Variants in FANCA observed in about 807,000 individuals in gnomAD.
FANCA encodes Fanconi anemia group A protein.
A neutral mutation model predicts 194.3 loss-of-function variants in FANCA; 236 were observed. That is an observed-to-expected ratio of 1.21 (90% confidence interval 1.09 to 1.35). The LOEUF (loss-of-function observed/expected upper bound fraction) is 1.35, where lower values mean the gene tolerates loss of function less well. FANCA is among the 40% of genes most tolerant of loss of function. The probability of loss-of-function intolerance (pLI) is 0.00; values close to 1 mark genes in which losing one functional copy is unlikely to be tolerated. For synonymous variants in FANCA, 1,014 were observed against 715.8 expected, an observed-to-expected ratio of 1.42 and a Z score of -6.65; for missense variants, 2,628 against 1,813.9, an observed-to-expected ratio of 1.45 and a Z score of -8.15.
At position 89,791,505 on chromosome 16, in the gene FANCA, G is replaced by C. The variant is rs764140346; in HGVS notation, c.1257C>G (p.Phe419Leu). The C allele has an allele frequency of 4.3e-6, 7 of 1,614,118 alleles. No individual in the cohort carries two copies. The highest frequency in any genetic ancestry group is 1.3e-5 in the African/African-American group (1 of 75,054). Residue 419 changes from phenylalanine (F) to leucine (L), a missense_variant, in exon 14 of 43, where the codon TTC becomes TTG. Transcript: ENST00000389301. Reference protein sequence around the residue: ...DWVARLMAQAFESCQLDSMVT... With the variant: ...DWVARLMAQALESCQLDSMVT... Reference sequence around the variant, plus strand: ...CCATGCTGTCCAGCTGGCAGCTCTCGAATGCCTGGGCCATCAAACGCGCCA... The same window carrying C: ...CCATGCTGTCCAGCTGGCAGCTCTCCAATGCCTGGGCCATCAAACGCGCCA...
At chr16:89,764,742 A>C (rs2039066060) in intron 28 of FANCA, 148 bp downstream of exon 28, 1 of 946,506 alleles carries the variant, frequency 1.1e-6, no homozygotes, top group South Asian at 1.3e-5. Context: ...ACGAGGAGAC[A>C]GTCGGCACAC....
chr16:89,783,114 T>G lies in FANCA; in HGVS notation c.1471-12A>C, dbSNP rs9282684. The G allele has an allele frequency of 6.3e-7, 1 of 1,597,362 alleles. No individual in the cohort carries two copies. The highest frequency in any genetic ancestry group is 1.3e-5 in the African/African-American group (1 of 74,118). Reference sequence around the variant, plus strand: ...TGGAGAATGTGCACCTGAGGATAGATAGCAGAGCGCAGCACCGTTAGTCTG... The same window carrying G: ...TGGAGAATGTGCACCTGAGGATAGAGAGCAGAGCGCAGCACCGTTAGTCTG... On this transcript the variant is annotated splice_polypyrimidine_tract_variant and intron_variant, in intron 15 of 42. Coordinates refer to ENST00000389301, the MANE Select transcript of FANCA (RefSeq NM_000135.4).
Position 89,738,312 on chromosome 16 carries a change from T to G in FANCA, c.*289A>C, listed in dbSNP as rs1333681680. On this transcript the variant is annotated 3_prime_UTR_variant, in exon 43 of 43. Transcript: ENST00000389301. ...CGCAGTGGCTGTGTCAGCCTCACCC[T>G]TCGTGTGCACCCGCATGGGAGGGTC... The G allele has an allele frequency of 6.6e-7, 1 of 1,524,880 alleles. No homozygotes were observed. The highest frequency in any genetic ancestry group is 2.5e-5 in the East Asian group (1 of 40,708). 94.5% of individuals were successfully genotyped at this position (1,524,880 alleles called of 1,614,324 possible). A position where few individuals can be genotyped will look rare whatever the true frequency, so the allele number is the denominator to read the frequency against.
chr16:89,759,318 T>TAAAAAAAAAAAAAAAAAAAAAAAA (rs71137673), intron 29 of FANCA, among the ~76,000 whole-genome samples: 10 of 75,202 alleles, frequency 1.3e-4, no homozygotes, highest in Non-Finnish European at 1.8e-4. Flanking sequence ...AGACTCCGTC[T>TAAAAAAAAAAAAAAAAAAAAAAAA]AAAAAAAAAA....
At chr16:89,754,005 G>C (rs2038685809) in intron 30 of FANCA, among the ~76,000 whole-genome samples, 1 of 152,194 alleles carries the variant, frequency 6.6e-6, no homozygotes, top group Admixed American at 6.5e-5. Flanking sequence ...AGACAGCTGA[G>C]ATAGTGCCAC....
intron 21 of FANCA, among the ~76,000 whole-genome samples, chr16:89,775,400 G>A (rs2039466641): frequency 6.6e-6 from 1 of 152,346 alleles, no homozygotes; most frequent in African/African-American, 2.4e-5. Flanking sequence ...AGCCAGCGCT[G>A]TGGGCCCCAA....
In FANCA at chr16:89,746,818, G is replaced by A. The variant is rs1230995680; in HGVS notation, c.3408+13C>T. ...CTGAGAAGGCCACGAGAGGGGCTGA[G>A]GGAGCATCTCACCCTGAAGAAGTGG... On this transcript the variant is annotated intron_variant, in intron 34 of 42. Transcript: ENST00000389301. The A allele has an allele frequency of 1.9e-6, 3 of 1,568,926 alleles. No individual in the cohort carries two copies. Among genetic ancestry groups the A allele is most frequent in the African/African-American group, 2.7e-5 (2 of 73,636 alleles).
chr16:89,744,666 T>G (rs989741137), intron 36 of FANCA: 20 of 267,448 alleles, frequency 7.5e-5, no homozygotes, highest in African/African-American at 3.9e-4. Flanking sequence ...GCAGAGGCTG[T>G]TTTTTTTTTT....
rs1370965752 is a variant in FANCA, at chr16:89,758,592, A to G, written c.2966T>C (p.Met989Thr). ...TGCTGCTAACCTTTGGTGGAAATCC[A>G]TCAGTGCGTTGACAAGAATGGTACA... The part of the protein sequence containing the change: ...AACTILVNAL[M>T]DFHQSSRSYD... The change falls in exon 30 of 43, where the codon ATG becomes ACG. Residue 989 changes from methionine (M) to threonine (T), a missense_variant. Coordinates refer to ENST00000389301, the MANE Select transcript of FANCA (RefSeq NM_000135.4). 1 of 1,613,720 alleles carries G rather than the reference A, an allele frequency of 6.2e-7. No individual in the cohort carries two copies. Among genetic ancestry groups the G allele is most frequent in the Non-Finnish European group, 8.5e-7 (1 of 1,179,810 alleles).
rs34386057 is a variant in FANCA, at chr16:89,771,563, C to T, written c.2151+115G>A. Reference sequence around the variant, plus strand: ...CTGCCTGGCCCTGGAACATCTGATACGACACTAACTGAGCAAGTCAAACAG... The same window carrying T: ...CTGCCTGGCCCTGGAACATCTGATATGACACTAACTGAGCAAGTCAAACAG... On this transcript the variant is annotated intron_variant, in intron 23 of 42. Transcript: ENST00000389301. 1.4e-3 allele frequency: 1,780 copies of T among 1,236,484 alleles called. 15 individuals are homozygous for T. In the African/African-American group the frequency reaches 0.023, roughly 16 times the overall value. 76.6% of individuals were successfully genotyped at this position (1,236,484 alleles called of 1,614,324 possible).
In FANCA at chr16:89,803,320, A is replaced by C. The variant is rs868620166; in HGVS notation, c.731T>G (p.Leu244Trp). 6.2e-7 allele frequency: 1 copy of C among 1,614,188 alleles called. No individual in the cohort carries two copies. The highest frequency in any genetic ancestry group is 1.3e-5 in the African/African-American group (1 of 75,058). Residue 244 changes from leucine (L) to tryptophan (W), a missense_variant, in exon 8 of 43, where the codon TTG (leucine) becomes TGG (tryptophan). Physicochemically the swap from Leu to Trp is moderately conservative, Grantham distance 61. Transcript: ENST00000389301. ...MLSDFVQMFV[L>W]RGFQKNSDLR... ...ATCTGAGTTTTTCTGAAATCCCCTCAAAACAAACATTTGAACAAAATCTGA... is the reference window on the plus strand; with the variant it reads ...ATCTGAGTTTTTCTGAAATCCCCTCCAAACAAACATTTGAACAAAATCTGA...
At chr16:89,779,126 G>T (rs921903484) in intron 18 of FANCA, 123 bp from the exon 19 acceptor site, 3 of 891,658 alleles carry the variant, frequency 3.4e-6, no homozygotes, top group African/African-American at 3.3e-5. Context: ...GATGCATTAT[G>T]AAGTCTTCTT....
intron 28 of FANCA, chr16:89,762,739 C>G (rs1439741340): frequency 2.2e-6 from 1 of 452,324 alleles, no homozygotes; most frequent in Admixed American, 2.4e-5. Context: ...CTCCAGAATT[C>G]TCCCCCTCAG....
intron 31 of FANCA, 69 bp downstream of exon 31, chr16:89,752,069 A>G: frequency 7.0e-7 from 1 of 1,423,704 alleles, no homozygotes; most frequent in South Asian, 1.1e-5. Context: ...CGCGCCTGGC[A>G]ATAAATATCT....
At chr16:89,745,802 G>C (rs1280186507) in intron 35 of FANCA, among the ~76,000 whole-genome samples, 2 of 151,704 alleles carry the variant, frequency 1.3e-5, no homozygotes, top group Non-Finnish European at 2.9e-5. Context: ...CTCTGAGCTG[G>C]GAACGAAACA....
rs979666807 is a variant in FANCA, at chr16:89,778,797, A to G, written c.1826+4T>C. 2 of 1,613,944 alleles carry G rather than the reference A, an allele frequency of 1.2e-6. No individual in the cohort carries two copies. The highest frequency in any genetic ancestry group is 1.7e-6 in the Non-Finnish European group (2 of 1,179,846). On this transcript the variant is annotated splice_donor_region_variant and intron_variant, in intron 20 of 42. Coordinates refer to ENST00000389301, the MANE Select transcript of FANCA (RefSeq NM_000135.4). ...GTCATCCCCTTCTAACCGTTGCTGC[A>G]TACCTCTTCAGAGACTCTATAAACG...
chr16:89,813,806 C>CTGTG (rs71137678), intron 3 of FANCA, among the ~76,000 whole-genome samples: 57,311 of 149,366 alleles, frequency 0.38, 11,572 homozygotes, highest in East Asian at 0.82. Flanking sequence ...AAGTCTTTTA[C>CTGTG]TGTGTGTGTG....
intron 29 of FANCA, 25 bp from the exon 30 acceptor site, chr16:89,758,730 A>G (rs201129946): frequency 6.2e-6 from 10 of 1,612,060 alleles, no homozygotes; most frequent in South Asian, 1.1e-5. Context: ...ACTGCTATCA[A>G]TTCTGAGAAA....
Position 89,778,422 on chromosome 16 carries a change from T to C in FANCA, c.1826+379A>G, listed in dbSNP as rs1262413116. On this transcript the variant is annotated intron_variant, in intron 20 of 42. Coordinates refer to ENST00000389301, the MANE Select transcript of FANCA (RefSeq NM_000135.4). ...CAGAGCTTGCAGTGAGCCAAGATTGTGCAATTGCACTCCAGCCTGGGCAAC... is the reference window on the plus strand; with the variant it reads ...CAGAGCTTGCAGTGAGCCAAGATTGCGCAATTGCACTCCAGCCTGGGCAAC... 25 of 329,802 alleles carry C rather than the reference T, an allele frequency of 7.6e-5. No homozygotes were observed. The Admixed American group carries it at 1.0e-3, about 14-fold the overall frequency. 20.4% of individuals were successfully genotyped at this position (329,802 alleles called of 1,614,324 possible).
Sources: allele counts gnomAD v4.1 joint callset (sites outside exome capture counted in the v4.1 genomes callset), GRCh38; gene constraint gnomAD v4.1.1; transcripts MANE v1.5; gene names NCBI Gene and HGNC (gene_info 2026-07-23, HGNC 2026-07-21).